RMP64: variants seen among roughly 807,000 people sequenced by gnomAD.
RMP64 encodes ribonuclease MRP subunit p64.
the RMP64 span, chr3:113,011,478 ATT>A: frequency 7.4e-7 from 1 of 1,348,280 alleles, no homozygotes; most frequent in African/African-American, 1.5e-5. Flanking sequence ...AAACTGCAAG[ATT>A]GAAAGCTGAA....
chr3:113,012,258 A>G, the RMP64 span, among the ~76,000 whole-genome samples: 1 of 152,244 alleles, frequency 6.6e-6, no homozygotes, highest in Non-Finnish European at 1.5e-5. Flanking sequence ...AATTGCATTT[A>G]TCATTGCCAT....
the RMP64 span, chr3:113,011,143 G>A: frequency 1.9e-6 from 3 of 1,613,362 alleles, no homozygotes; most frequent in Non-Finnish European, 2.5e-6. Flanking sequence ...TCCAAGCAAG[G>A]TTTCTTCACT....
chr3:113,013,058 C>T, the RMP64 span: 3 of 626,554 alleles, frequency 4.8e-6, no homozygotes, highest in East Asian at 5.5e-5. Context: ...GCTATCAATG[C>T]TCTTAGGATA....
At chr3:113,017,483 T>C in the RMP64 span, 1 of 1,614,152 alleles carries the variant, frequency 6.2e-7, no homozygotes, top group Non-Finnish European at 8.5e-7. Context: ...TGGCGGCCCA[T>C]TCTGTTGTGA....
chr3:113,006,035 G>A, the RMP64 span: 2 of 1,474,920 alleles, frequency 1.4e-6, no homozygotes, highest in Non-Finnish European at 1.9e-6. Context: ...AAAAATCTGG[G>A]CTTAAGATGA....
At chr3:113,013,232 C>T in the RMP64 span, 6 of 1,601,484 alleles carry the variant, frequency 3.7e-6, no homozygotes, top group East Asian at 1.3e-4. Context: ...CAAACAATTC[C>T]AAATCAAAAG....
chr3:113,005,147 T>A, the RMP64 span: 142 of 225,140 alleles, frequency 6.3e-4, no homozygotes, highest in African/African-American at 3.1e-3. Flanking sequence ...GTTTCCTTGC[T>A]ATCTCCCACC....
the RMP64 span, among the ~76,000 whole-genome samples, chr3:113,015,333 T>G: frequency 6.6e-6 from 1 of 152,200 alleles, no homozygotes; most frequent in Non-Finnish European, 1.5e-5. Flanking sequence ...GGAGCTTACA[T>G]TATAGCTGGG....
At chr3:113,005,848 A>G in the RMP64 span, 5 of 1,613,928 alleles carry the variant, frequency 3.1e-6, no homozygotes, top group Non-Finnish European at 4.2e-6. Context: ...CCCTTAAAAG[A>G]GTCGACTGCA....
At chr3:113,006,494 C>T in the RMP64 span, among the ~76,000 whole-genome samples, 23 of 152,120 alleles carry the variant, frequency 1.5e-4, no homozygotes, top group Non-Finnish European at 2.5e-4. Context: ...GGCTTCTGGC[C>T]CAGATACACA....
chr3:113,010,644 T>C, the RMP64 span: 6 of 1,612,744 alleles, frequency 3.7e-6, no homozygotes, highest in Non-Finnish European at 5.1e-6. Context: ...CAGACAAACC[T>C]GAGTAGCTTT....
the RMP64 span, chr3:113,010,580 G>C: frequency 7.6e-7 from 1 of 1,317,304 alleles, no homozygotes; most frequent in Middle Eastern, 1.8e-4. Flanking sequence ...TCTGCCCTTG[G>C]TAAGAAGCAT....
chr3:113,013,135 G>A, the RMP64 span: 2 of 901,806 alleles, frequency 2.2e-6, no homozygotes, highest in South Asian at 3.2e-5. Context: ...GAGAAAAGGA[G>A]GCCAAGAAGC....
chr3:113,005,808 T>C, the RMP64 span: 1 of 1,613,958 alleles, frequency 6.2e-7, no homozygotes, highest in East Asian at 2.2e-5. Context: ...GTAGCACTCT[T>C]CCGAGTCCCT....
the RMP64 span, chr3:113,012,605 C>T: frequency 1.8e-6 from 1 of 550,914 alleles, no homozygotes; most frequent in Non-Finnish European, 3.2e-6. Flanking sequence ...AAACTCTGAT[C>T]AAACCAAGAA....
the RMP64 span, chr3:113,013,838 G>A: frequency 1.3e-6 from 1 of 773,836 alleles, no homozygotes; most frequent in East Asian, 2.5e-5. Flanking sequence ...AATTTATACA[G>A]CTGAGGTATA....
At chr3:113,002,639 T>C in the RMP64 span, 1 of 148,232 alleles carries the variant, frequency 6.7e-6, no homozygotes, top group African/African-American at 2.5e-5. Context: ...TATAACTTGC[T>C]TAAGGCCAGG....
chr3:113,011,560 T>G, the RMP64 span: 2 of 544,622 alleles, frequency 3.7e-6, no homozygotes, highest in Non-Finnish European at 6.3e-6. Flanking sequence ...AACAGCCAGA[T>G]TAGTCCAACC....
the RMP64 span, chr3:113,017,671 C>T: frequency 7.5e-7 from 1 of 1,340,370 alleles, no homozygotes; most frequent in Non-Finnish European, 1.0e-6. Context: ...TAAAAACACA[C>T]TAAAAAAAGC....
Sources: gnomAD v4.1 joint callset for allele counts (sites outside exome capture counted in the v4.1 genomes callset) on GRCh38, gnomAD v4.1.1 for gene constraint, MANE v1.5 for transcripts, NCBI Gene and HGNC (gene_info 2026-07-23, HGNC 2026-07-21) for gene names.